Variants in TYW1B observed in about 807,000 individuals in gnomAD.
The protein encoded by TYW1B is S-adenosyl-L-methionine-dependent tRNA 4-demethylwyosine synthase TYW1B.
TYW1B carries 73 observed loss-of-function variants against 86.9 expected under a neutral mutation model. The observed-to-expected ratio is 0.84, with a 90% CI of 0.70 to 1.02. The LOEUF is 1.02. Among genes scored for constraint, TYW1B ranks in the 50% least tolerant of loss-of-function variants. TYW1B has a pLI of 0.00. For synonymous variants in TYW1B, 248 were observed against 292.8 expected (o/e 0.85, Z 1.56); for missense variants, 637 against 827.4 (o/e 0.77, Z 2.82).
At chr7:72,626,460 C>T in intron 12 of TYW1B, among the ~76,000 whole-genome samples, 1 of 152,046 alleles carries the variant, frequency 6.6e-6, no homozygotes, top group East Asian at 1.9e-4. Context: ...AAACTTCGAG[C>T]TTATAAAACC....
chr7:72,654,901 T>A (rs1416952722), intron 11 of TYW1B, among the ~76,000 whole-genome samples: 1 of 151,990 alleles, frequency 6.6e-6, no homozygotes, highest in Non-Finnish European at 1.5e-5. Context: ...CAACAAAAAA[T>A]ATTGGTTCAT....
At position 72,713,653 on chromosome 7, in the gene TYW1B, C is replaced by G. The variant is rs782768186; in HGVS notation, c.1338G>C (p.Leu446=). The stretch of plus-strand genomic sequence containing the variant: ...CCGCAGGAAATTGTGCATTTGTGAC[C>G]AGGAAGCTGGAGATTTTACACTGGT... ...LLHQCKISSF[L]VTNAQFPAEI... Residue 446 remains leucine (L), a synonymous_variant, in exon 10 of 14, where the codon CTG becomes CTC. Transcript: ENST00000620995. The G allele has an allele frequency of 2.5e-6, 4 of 1,614,038 alleles. No individual in the cohort carries two copies. In the South Asian group the frequency reaches 4.4e-5, roughly 18 times the overall value.
At chr7:72,651,176 A>C (rs1270900809) in intron 11 of TYW1B, among the ~76,000 whole-genome samples, 1 of 152,224 alleles carries the variant, frequency 6.6e-6, no homozygotes, top group African/African-American at 2.4e-5. Context: ...TCAGAAATAG[A>C]TTCATGCATA....
chr7:72,785,118 A>G (rs111485523), intron 6 of TYW1B, among the ~76,000 whole-genome samples: 18 of 152,024 alleles, frequency 1.2e-4, no homozygotes, highest in African/African-American at 4.1e-4. Flanking sequence ...TTAGTGCTCT[A>G]GTTCTTAGAA....
At chr7:72,735,066 TAG>T (rs1554460711) in intron 8 of TYW1B, among the ~76,000 whole-genome samples, 3 of 152,034 alleles carry the variant, frequency 2.0e-5, no homozygotes, top group African/African-American at 7.2e-5. Context: ...AAACTAAAGC[TAG>T]AACTACCATA....
At position 72,802,498 on chromosome 7, in the gene TYW1B, T is replaced by G. The variant is rs782757257; in HGVS notation, c.748A>C (p.Ser250Arg). ...TCCTCACCACCAAACTCTTCTTCAC[T>G]GGAGCTCTCGAAGGGTTCTTCCTCC... Reference protein sequence around the residue: ...TKEEEPFESSSEEEFGGEDHQ... With the variant: ...TKEEEPFESSREEEFGGEDHQ... The change falls in exon 6 of 14, where the codon AGT becomes CGT. Residue 250 changes from serine (S) to arginine (R), a missense_variant. Transcript: ENST00000620995. 6.2e-7 allele frequency: 1 copy of G among 1,613,920 alleles called. No homozygotes were observed. The highest frequency in any genetic ancestry group is 8.5e-7 in the Non-Finnish European group (1 of 1,179,856).
chr7:72,681,375 G>A (rs35262274), intron 11 of TYW1B, among the ~76,000 whole-genome samples: 1 of 152,090 alleles, frequency 6.6e-6, no homozygotes, highest in Non-Finnish European at 1.5e-5. Flanking sequence ...GAGCAAGGAC[G>A]ATTAAATAAG....
chr7:72,676,695 C>T (rs1445621870), intron 11 of TYW1B, among the ~76,000 whole-genome samples: 4 of 152,098 alleles, frequency 2.6e-5, no homozygotes, highest in Non-Finnish European at 4.4e-5. Flanking sequence ...CGTGGTGGCT[C>T]ATGCCTATAA....
At chr7:72,641,385 G>A (rs1812796279) in intron 11 of TYW1B, among the ~76,000 whole-genome samples, 3 of 152,102 alleles carry the variant, frequency 2.0e-5, no homozygotes, top group Admixed American at 6.6e-5. Flanking sequence ...CTTCTCCGAG[G>A]CCAGCATTAT....
At chr7:72,677,311 T>A (rs1218329306) in intron 11 of TYW1B, among the ~76,000 whole-genome samples, 1 of 151,276 alleles carries the variant, frequency 6.6e-6, no homozygotes, top group African/African-American at 2.4e-5. Context: ...GCACACCTGG[T>A]TGATTTTTTT....
At chr7:72,675,225 C>A (rs1242176530) in intron 11 of TYW1B, among the ~76,000 whole-genome samples, 5 of 151,972 alleles carry the variant, frequency 3.3e-5, no homozygotes, top group Non-Finnish European at 4.4e-5. Context: ...ATGGTGAAAC[C>A]CCGTCTCTAC....
intron 13 of TYW1B, among the ~76,000 whole-genome samples, chr7:72,579,002 G>A (rs1811087190): frequency 6.6e-6 from 1 of 151,894 alleles, no homozygotes; most frequent in Non-Finnish European, 1.5e-5. Flanking sequence ...TTTGCCATGG[G>A]TGTTCTAAGA....
intron 10 of TYW1B, among the ~76,000 whole-genome samples, chr7:72,700,851 G>A (rs1315444044): frequency 2.0e-5 from 3 of 152,130 alleles, no homozygotes; most frequent in African/African-American, 7.2e-5. Context: ...CAGATCACTT[G>A]AGGTCAGGAG....
intron 12 of TYW1B, among the ~76,000 whole-genome samples, chr7:72,621,459 GCCC>G: frequency 6.6e-6 from 1 of 152,280 alleles, no homozygotes; most frequent in South Asian, 2.1e-4. Flanking sequence ...AGCCATTCAA[GCCC>G]CTGTCTTTGG....
chr7:72,817,883 T>A (rs1294575421), intron 2 of TYW1B, among the ~76,000 whole-genome samples: 1 of 152,074 alleles, frequency 6.6e-6, no homozygotes, highest in African/African-American at 2.4e-5. Context: ...GAGGCTGCAG[T>A]GGAGTTACAC....
intron 10 of TYW1B, among the ~76,000 whole-genome samples, chr7:72,697,260 C>T (rs1430982412): frequency 6.6e-6 from 1 of 151,982 alleles, no homozygotes; most frequent in Non-Finnish European, 1.5e-5. Context: ...AAGGCCTGGA[C>T]ACTGATACTA....
At chr7:72,632,285 G>GTATATATATATATATATATATTTTATA (rs1239640717) in intron 11 of TYW1B, among the ~76,000 whole-genome samples, 1 of 83,568 alleles carries the variant, frequency 1.2e-5, no homozygotes, top group African/African-American at 7.2e-5. Flanking sequence ...ATATATACGT[G>GTATATATATATATATATATATTTTATA]TATATATATA....
intron 2 of TYW1B, among the ~76,000 whole-genome samples, chr7:72,818,076 TA>T (rs76441894): frequency 0.017 from 2,270 of 132,486 alleles, 9 homozygotes; most frequent in Admixed American, 0.023. Flanking sequence ...AGCTGGCTGT[TA>T]AAAAAAAAAA....
At chr7:72,805,109 C>G (rs1295202654) in intron 5 of TYW1B, among the ~76,000 whole-genome samples, 19 of 151,932 alleles carry the variant, frequency 1.3e-4, no homozygotes, top group Admixed American at 1.1e-3. Context: ...TCGACACATT[C>G]CTCTGGTCCT....
Sources: gnomAD v4.1 joint callset for allele counts (sites outside exome capture counted in the v4.1 genomes callset) on GRCh38, gnomAD v4.1.1 for gene constraint, MANE v1.5 for transcripts, NCBI Gene and HGNC (gene_info 2026-07-23, HGNC 2026-07-21) for gene names.